ROBO2: variants seen among roughly 807,000 people sequenced by gnomAD.
ROBO2 encodes the protein roundabout homolog 2.
ROBO2 carries 53 observed loss-of-function variants against 160.8 expected under a neutral mutation model. That is an observed-to-expected ratio of 0.33 (90% CI 0.26 to 0.41). ROBO2 has a LOEUF of 0.41. Among genes scored for constraint, ROBO2 ranks in the 10% least tolerant of loss-of-function variants. The pLI, the probability that ROBO2 is intolerant of heterozygous loss-of-function variation, is 1.00. For missense variants in ROBO2, 1,577 were observed against 1,722.4 expected (o/e 0.92, Z 1.49); for synonymous variants, 664 against 611.7 (o/e 1.09, Z -1.26).
At chr3:76,419,769 T>C (rs2075912306) in intron 2 of ROBO2, among the ~76,000 whole-genome samples, 1 of 152,188 alleles carries the variant, frequency 6.6e-6, no homozygotes, top group Non-Finnish European at 1.5e-5. Flanking sequence ...ATCATGTAGC[T>C]GAATCCTGGC....
chr3:76,643,927 A>T (rs1296663796), intron 2 of ROBO2, among the ~76,000 whole-genome samples: 1 of 152,208 alleles, frequency 6.6e-6, no homozygotes, highest in African/African-American at 2.4e-5. Flanking sequence ...ACTATGATTT[A>T]TGAAAGTATT....
chr3:77,632,273 C>G, intron 23 of ROBO2: 1 of 475,390 alleles, frequency 2.1e-6, no homozygotes, highest in Non-Finnish European at 3.7e-6. Context: ...GTGCTGCAAA[C>G]AGATACAGGT....
intron 2 of ROBO2, among the ~76,000 whole-genome samples, chr3:77,397,923 A>G (rs554504407): frequency 2.6e-5 from 4 of 152,152 alleles, no homozygotes; most frequent in Non-Finnish European, 5.9e-5. Context: ...AGCAACAAAG[A>G]AAAAGAAGAG....
intron 12 of ROBO2, among the ~76,000 whole-genome samples, chr3:77,565,717 T>C (rs1044805595): frequency 1.3e-5 from 2 of 152,118 alleles, no homozygotes; most frequent in Non-Finnish European, 2.9e-5. Context: ...AAATCAGATG[T>C]TTAAAGGAGC....
intron 23 of ROBO2, among the ~76,000 whole-genome samples, 160 bp downstream of exon 24, chr3:77,622,592 A>C (rs1395381470): frequency 1.3e-5 from 2 of 152,228 alleles, no homozygotes; most frequent in Non-Finnish European, 2.9e-5. Context: ...AGGATTTGGA[A>C]ATACTTTTGC....
intron 2 of ROBO2, among the ~76,000 whole-genome samples, chr3:77,162,612 T>C (rs2078595556): frequency 6.6e-6 from 1 of 152,174 alleles, no homozygotes; most frequent in South Asian, 2.1e-4. Flanking sequence ...ACTCTCTCCC[T>C]GATTAAAAGT....
chr3:76,665,375 T>G (rs191953135), intron 2 of ROBO2, among the ~76,000 whole-genome samples: 1 of 152,210 alleles, frequency 6.6e-6, no homozygotes, highest in East Asian at 1.9e-4. Context: ...CTTGCCCAAG[T>G]TTATATGGCC....
At chr3:76,599,363 T>C (rs566434067) in intron 2 of ROBO2, among the ~76,000 whole-genome samples, 16 of 152,332 alleles carry the variant, frequency 1.1e-4, no homozygotes, top group Admixed American at 9.8e-4. Context: ...CTAAGGATAA[T>C]GGCCTCTAGC....
At chr3:77,125,204 C>G (rs191396953) in intron 2 of ROBO2, among the ~76,000 whole-genome samples, 23 of 152,186 alleles carry the variant, frequency 1.5e-4, no homozygotes, top group Admixed American at 4.6e-4. Context: ...AGTGGAAAAA[C>G]CATATTAACT....
At chr3:76,156,549 G>A (rs995941600) in intron 2 of ROBO2, among the ~76,000 whole-genome samples, 2 of 152,230 alleles carry the variant, frequency 1.3e-5, no homozygotes, top group Non-Finnish European at 2.9e-5. Context: ...TGTGTTAAGT[G>A]TAAGGAAAGG....
chr3:76,451,059 C>T (rs977069651), intron 2 of ROBO2, among the ~76,000 whole-genome samples: 7 of 152,032 alleles, frequency 4.6e-5, no homozygotes, highest in Non-Finnish European at 8.8e-5. Context: ...GGGTTCCAGG[C>T]CTCTTTGGTA....
chr3:76,768,631 A>G (rs2061701976), intron 2 of ROBO2, among the ~76,000 whole-genome samples: 1 of 150,728 alleles, frequency 6.6e-6, no homozygotes, highest in Admixed American at 6.6e-5. Flanking sequence ...TAAAGATTTA[A>G]TATAATCAAA....
intron 2 of ROBO2, among the ~76,000 whole-genome samples, chr3:76,862,815 A>C (rs868261785): frequency 2.6e-5 from 4 of 152,060 alleles, no homozygotes; most frequent in Admixed American, 6.6e-5. Flanking sequence ...AAAAACAATA[A>C]TATTTTAGGG....
At chr3:76,783,111 A>G (rs1360086122) in intron 2 of ROBO2, among the ~76,000 whole-genome samples, 1 of 150,896 alleles carries the variant, frequency 6.6e-6, no homozygotes, top group Non-Finnish European at 1.5e-5. Context: ...CAATCTATTT[A>G]GCCTGATAAC....
At chr3:77,591,255 A>G (rs1375601639) in intron 17 of ROBO2, among the ~76,000 whole-genome samples, 4 of 152,158 alleles carry the variant, frequency 2.6e-5, no homozygotes, top group African/African-American at 9.6e-5. Flanking sequence ...ATTAATCTGC[A>G]TTCATATTTG....
chr3:76,370,344 C>T (rs1289449878), intron 2 of ROBO2, among the ~76,000 whole-genome samples: 3 of 151,800 alleles, frequency 2.0e-5, no homozygotes, highest in East Asian at 3.9e-4. Flanking sequence ...TGATTTCTTG[C>T]TCAATATGTC....
chr3:76,573,844 G>A (rs2108628500), intron 2 of ROBO2, among the ~76,000 whole-genome samples: 1 of 152,132 alleles, frequency 6.6e-6, no homozygotes, highest in Non-Finnish European at 1.5e-5. Flanking sequence ...TCTCTTCACT[G>A]CATGAAATGT....
At chr3:76,486,734 G>C (rs1397464122) in intron 2 of ROBO2, among the ~76,000 whole-genome samples, 2 of 152,084 alleles carry the variant, frequency 1.3e-5, no homozygotes, top group Non-Finnish European at 2.9e-5. Context: ...ATCTCAAAAT[G>C]ATAGCTAATA....
chr3:77,255,362 A>G (rs1037760790), intron 2 of ROBO2, among the ~76,000 whole-genome samples: 5 of 152,230 alleles, frequency 3.3e-5, no homozygotes, highest in Admixed American at 2.0e-4. Flanking sequence ...AGTAGATGTC[A>G]TGTAGGCAGG....
Sources: allele counts gnomAD v4.1 joint callset (sites outside exome capture counted in the v4.1 genomes callset), GRCh38; gene constraint gnomAD v4.1.1; transcripts MANE v1.5; gene names NCBI Gene and HGNC (gene_info 2026-07-23, HGNC 2026-07-21).